The following TENM2 variants were observed in gnomAD, a reference collection of about 807,000 sequenced individuals.
TENM2 encodes teneurin transmembrane protein 2, also known as teneurin-2.
Under a neutral mutation model 245.2 loss-of-function variants are expected in TENM2, and 52 were observed. That is an observed-to-expected ratio of 0.21 (90% CI 0.17 to 0.27). The LOEUF is 0.27. Ranked by LOEUF, TENM2 falls within the 10% of genes least tolerant of loss-of-function variation. The pLI is 1.00. For missense variants in TENM2, 3,046 were observed against 3,666.8 expected (o/e 0.83, Z 4.37); for synonymous variants, 1,363 against 1,438.9 (o/e 0.95, Z 1.19).
chr5:167,119,438 A>T, the TENM2 span: 1 of 152,214 alleles, frequency 6.6e-6, no homozygotes, highest in Non-Finnish European at 1.5e-5. Context: ...CTGAGATTGG[A>T]TAATATATAA....
the TENM2 span, among the ~76,000 whole-genome samples, chr5:167,272,619 G>C: frequency 2.6e-5 from 4 of 152,084 alleles, no homozygotes; most frequent in African/African-American, 9.7e-5. Context: ...CTCCCTTCTA[G>C]ACTATCTTCT....
At chr5:167,636,634 T>C (rs1167597217) in intron 2 of TENM2, among the ~76,000 whole-genome samples, 2 of 152,184 alleles carry the variant, frequency 1.3e-5, no homozygotes, top group African/African-American at 2.4e-5. Flanking sequence ...TACTTAACAT[T>C]TATTGAATGC....
intron 2 of TENM2, among the ~76,000 whole-genome samples, chr5:167,833,854 T>C (rs1418333833): frequency 6.6e-6 from 1 of 152,236 alleles, no homozygotes; most frequent in African/African-American, 2.4e-5. Flanking sequence ...CCAGATGATA[T>C]TCTACTTATG....
At chr5:168,176,332 T>G (rs1310458320) in intron 13 of TENM2, among the ~76,000 whole-genome samples, 1 of 152,182 alleles carries the variant, frequency 6.6e-6, no homozygotes, top group East Asian at 1.9e-4. Context: ...CTGATCTCAT[T>G]TCCTCTCTCT....
At chr5:167,082,438 C>T in the TENM2 span, among the ~76,000 whole-genome samples, 2 of 152,040 alleles carry the variant, frequency 1.3e-5, no homozygotes, top group South Asian at 4.2e-4. Flanking sequence ...CGCCTGCCAC[C>T]AGGCTCAGCT....
At chr5:167,698,476 A>T (rs536566191) in intron 2 of TENM2, among the ~76,000 whole-genome samples, 2 of 152,016 alleles carry the variant, frequency 1.3e-5, no homozygotes, top group East Asian at 3.9e-4. Flanking sequence ...CAGCCCCTTA[A>T]TCCCCAAGAT....
At chr5:168,047,498 A>C in exon 6 of TENM2, 1 of 1,551,764 alleles carries the variant, frequency 6.4e-7, no homozygotes, top group Non-Finnish European at 8.7e-7. Context: ...TGGGATAAGG[A>C]CCGGCTTACC....
chr5:167,334,751 A>G (rs1561870849), intron 1 of TENM2, among the ~76,000 whole-genome samples: 1 of 152,188 alleles, frequency 6.6e-6, no homozygotes, highest in Non-Finnish European at 1.5e-5. Flanking sequence ...ATTTGAAGGA[A>G]CATGCTTTGC....
At chr5:168,215,192 G>A in exon 21 of TENM2, 1 of 1,613,930 alleles carries the variant, frequency 6.2e-7, no homozygotes, top group African/African-American at 1.3e-5. Flanking sequence ...GCAGGGACGG[G>A]AGAGCAGTGT....
At chr5:167,183,337 T>C in the TENM2 span, among the ~76,000 whole-genome samples, 1 of 152,196 alleles carries the variant, frequency 6.6e-6, no homozygotes, top group Non-Finnish European at 1.5e-5. Context: ...ATATGTATAG[T>C]ACTTATTAGG....
intron 2 of TENM2, among the ~76,000 whole-genome samples, chr5:167,827,635 G>GGGA (rs1554126521): frequency 1.1e-4 from 12 of 108,054 alleles, no homozygotes; most frequent in African/African-American, 4.1e-4. Flanking sequence ...GGGCGGGGGG[G>GGGA]GGGGAACAGT....
At chr5:167,311,035 TC>T (rs1756000750) in intron 1 of TENM2, among the ~76,000 whole-genome samples, 1 of 152,188 alleles carries the variant, frequency 6.6e-6, no homozygotes, top group South Asian at 2.1e-4. Flanking sequence ...TCAGAGCCTG[TC>T]CTCATCTCAC....
At chr5:168,078,438 A>G (rs1449798741) in intron 7 of TENM2, among the ~76,000 whole-genome samples, 1 of 151,972 alleles carries the variant, frequency 6.6e-6, no homozygotes, top group Non-Finnish European at 1.5e-5. Flanking sequence ...ATTTAATTAG[A>G]TCCCATTTGT....
the TENM2 span, among the ~76,000 whole-genome samples, chr5:166,983,364 G>A: frequency 5.3e-5 from 8 of 151,998 alleles, no homozygotes; most frequent in Admixed American, 6.6e-5. Flanking sequence ...AAGTTCCTTC[G>A]TTTTTACTGC....
intron 6 of TENM2, among the ~76,000 whole-genome samples, chr5:168,050,128 C>T (rs1788949723): frequency 1.3e-5 from 2 of 152,160 alleles, no homozygotes; most frequent in South Asian, 4.1e-4. Flanking sequence ...TTTGCCAAAT[C>T]ATTGTCCAGT....
At chr5:167,356,106 C>T (rs1341783667) in intron 1 of TENM2, among the ~76,000 whole-genome samples, 1 of 133,518 alleles carries the variant, frequency 7.5e-6, no homozygotes, top group Non-Finnish European at 1.5e-5. Flanking sequence ...CGTTTGAACC[C>T]GGGAGACGGT....
intron 27 of TENM2, among the ~76,000 whole-genome samples, chr5:168,250,100 A>G (rs1032493613): frequency 2.1e-5 from 3 of 143,630 alleles, no homozygotes; most frequent in Non-Finnish European, 1.5e-5. Context: ...GGCTGGCTGG[A>G]TGAGTGGATG....
intron 2 of TENM2, among the ~76,000 whole-genome samples, chr5:167,384,357 G>A (rs532433949): frequency 2.0e-5 from 3 of 152,254 alleles, no homozygotes; most frequent in Admixed American, 6.5e-5. Flanking sequence ...GTATGGAAAT[G>A]AGATGATGGA....
chr5:167,901,698 A>AAAT (rs1775716986), intron 3 of TENM2, among the ~76,000 whole-genome samples: 1 of 152,160 alleles, frequency 6.6e-6, no homozygotes, highest in Non-Finnish European at 1.5e-5. Flanking sequence ...GTATGTTTTT[A>AAAT]AATATTATGC....
Sources: allele counts gnomAD v4.1 joint callset (sites outside exome capture counted in the v4.1 genomes callset), GRCh38; gene constraint gnomAD v4.1.1; transcripts MANE v1.5; gene names NCBI Gene and HGNC (gene_info 2026-07-23, HGNC 2026-07-21).